The following SGCZ variants were observed in gnomAD, a reference collection of about 807,000 sequenced individuals.
SGCZ encodes sarcoglycan zeta.
SGCZ carries 40 observed loss-of-function variants against 41.3 expected under a neutral mutation model. That is an observed-to-expected ratio of 0.97 (90% CI 0.75 to 1.26). The LOEUF is 1.26. Ranked by LOEUF, SGCZ falls within the 50% of genes most tolerant of loss-of-function variation. SGCZ has a pLI of 0.00. For synonymous variants in SGCZ, 206 were observed against 137.5 expected, an observed-to-expected ratio of 1.50 and a Z score of -3.49; for missense variants, 552 against 369.8, an observed-to-expected ratio of 1.49 and a Z score of -4.04.
chr8:14,454,687 T>C (rs932278000), intron 2 of SGCZ, among the ~76,000 whole-genome samples: 5 of 152,032 alleles, frequency 3.3e-5, no homozygotes, highest in Non-Finnish European at 7.4e-5. Flanking sequence ...GATACAGAAA[T>C]AGACCAGTGA....
intron 1 of SGCZ, among the ~76,000 whole-genome samples, chr8:14,557,512 G>A (rs1025021495): frequency 9.2e-5 from 14 of 151,858 alleles, no homozygotes; most frequent in African/African-American, 3.4e-4. Context: ...GTTAATATCT[G>A]GAAGGATTTT....
chr8:14,102,593 A>C, intron 6 of SGCZ, 94 bp from the exon 7 acceptor site: 3 of 1,129,668 alleles, frequency 2.7e-6, no homozygotes, highest in Non-Finnish European at 3.4e-6. Flanking sequence ...AGAAGACAAC[A>C]TTGGTCAAAA....
At chr8:14,679,924 C>A (rs1052245709) in intron 1 of SGCZ, among the ~76,000 whole-genome samples, 2 of 151,940 alleles carry the variant, frequency 1.3e-5, no homozygotes, top group African/African-American at 4.8e-5. Flanking sequence ...TACACACTTA[C>A]CATTGTGTTA....
intron 7 of SGCZ, among the ~76,000 whole-genome samples, chr8:14,091,451 C>T (rs1431003963): frequency 6.6e-6 from 1 of 151,560 alleles, no homozygotes; most frequent in Non-Finnish European, 1.5e-5. Context: ...ACACTCCCAC[C>T]AACAGTGTAT....
chr8:14,156,150 T>C (rs1475577498), intron 5 of SGCZ, among the ~76,000 whole-genome samples: 1 of 152,110 alleles, frequency 6.6e-6, no homozygotes, highest in Admixed American at 6.6e-5. Flanking sequence ...ACACTGTGCA[T>C]AGAGGCGACG....
At chr8:15,078,742 C>T (rs1805637357) in intron 1 of SGCZ, among the ~76,000 whole-genome samples, 1 of 151,952 alleles carries the variant, frequency 6.6e-6, no homozygotes, top group East Asian at 1.9e-4. Flanking sequence ...TATATACACA[C>T]ATACATATAT....
At chr8:14,335,611 C>T (rs1341263793) in intron 2 of SGCZ, among the ~76,000 whole-genome samples, 1 of 152,098 alleles carries the variant, frequency 6.6e-6, no homozygotes, top group Non-Finnish European at 1.5e-5. Context: ...AAGCTCCTGC[C>T]ACAGGGGAAT....
intron 1 of SGCZ, among the ~76,000 whole-genome samples, chr8:14,810,372 T>C (rs987632930): frequency 2.6e-5 from 4 of 152,010 alleles, no homozygotes; most frequent in African/African-American, 9.7e-5. Flanking sequence ...AATAGAAAAA[T>C]TCATATTAAC....
At chr8:15,033,281 C>G (rs150993982) in intron 1 of SGCZ, among the ~76,000 whole-genome samples, 1 of 151,972 alleles carries the variant, frequency 6.6e-6, no homozygotes. Flanking sequence ...CAGGTCAGCC[C>G]CAGAATAACC....
intron 3 of SGCZ, among the ~76,000 whole-genome samples, chr8:14,314,036 G>C (rs560814037): frequency 6.6e-6 from 1 of 151,428 alleles, no homozygotes; most frequent in South Asian, 2.1e-4. Context: ...GGTGATGAAG[G>C]GATCTTCATT....
At chr8:14,180,165 C>T (rs1457581634) in intron 4 of SGCZ, among the ~76,000 whole-genome samples, 1 of 152,092 alleles carries the variant, frequency 6.6e-6, no homozygotes, top group Admixed American at 6.5e-5. Context: ...CAAGTGGAGC[C>T]CATCACCAAA....
chr8:15,072,729 G>A (rs1047500083), intron 1 of SGCZ, among the ~76,000 whole-genome samples: 1 of 152,182 alleles, frequency 6.6e-6, no homozygotes, highest in Non-Finnish European at 1.5e-5. Context: ...AAGTGAGGAA[G>A]CTTTGCAATA....
chr8:15,052,744 T>C (rs1202418881), intron 1 of SGCZ, among the ~76,000 whole-genome samples: 1 of 152,158 alleles, frequency 6.6e-6, no homozygotes, highest in East Asian at 1.9e-4. Flanking sequence ...TCCTTAAACA[T>C]TCTTTGGAAT....
chr8:15,112,384 G>A lies in SGCZ; in HGVS notation c.39+125201C>T, dbSNP rs148772564. 2.0e-5 allele frequency among the ~76,000 whole-genome samples: 3 copies of A among 152,296 alleles called. No individual in the cohort carries two copies. The East Asian group carries it at 5.8e-4, about 29-fold the overall frequency. On this transcript the variant is annotated intron_variant, in intron 1 of 7. Transcript: ENST00000382080. ...TAGTAGCTTGCTTTATTCTTTGAGA[G>A]GAGTTATCCATTCTCCTGCTTCAGA...
chr8:14,871,229 G>C (rs1233313877), intron 1 of SGCZ, among the ~76,000 whole-genome samples: 7 of 151,840 alleles, frequency 4.6e-5, no homozygotes, highest in Non-Finnish European at 8.8e-5. Context: ...AAAAAGTCAG[G>C]AAACAACAGA....
chr8:14,824,802 G>A (rs1802238651), intron 1 of SGCZ, among the ~76,000 whole-genome samples: 1 of 152,006 alleles, frequency 6.6e-6, no homozygotes, highest in Admixed American at 6.6e-5. Context: ...CAGCGATGTA[G>A]TATAGAAATC....
intron 5 of SGCZ, among the ~76,000 whole-genome samples, chr8:14,160,917 G>T (rs1227610352): frequency 9.9e-5 from 15 of 152,116 alleles, no homozygotes; most frequent in Non-Finnish European, 7.4e-5. Context: ...TGAAAGACAA[G>T]TTCCTTTATA....
intron 5 of SGCZ, among the ~76,000 whole-genome samples, chr8:14,149,780 T>G (rs1339000137): frequency 6.6e-6 from 1 of 152,088 alleles, no homozygotes; most frequent in Non-Finnish European, 1.5e-5. Flanking sequence ...CAGATTATAC[T>G]GTGGAGCTAC....
chr8:14,188,170 T>C (rs912952624), intron 4 of SGCZ, among the ~76,000 whole-genome samples: 9 of 152,318 alleles, frequency 5.9e-5, no homozygotes, highest in African/African-American at 2.2e-4. Flanking sequence ...AGACCTATGT[T>C]ATAAGAAATA....
Sources: allele counts gnomAD v4.1 joint callset (sites outside exome capture counted in the v4.1 genomes callset), GRCh38; gene constraint gnomAD v4.1.1; transcripts MANE v1.5; gene names NCBI Gene and HGNC (gene_info 2026-07-23, HGNC 2026-07-21).